SPEF2: variants seen among roughly 807,000 people sequenced by gnomAD.
The protein encoded by SPEF2 is sperm flagellar and cilia associated 2.
SPEF2 carries 187 observed loss-of-function variants against 224.6 expected under a neutral mutation model. The observed-to-expected ratio is 0.83, with a 90% confidence interval of 0.74 to 0.94. The LOEUF (loss-of-function observed/expected upper bound fraction) is 0.94, where lower values mean the gene tolerates loss of function less well. Ranked by LOEUF, SPEF2 falls within the 40% of genes least tolerant of loss-of-function variation. The probability of loss-of-function intolerance (pLI) is 0.00; values close to 1 mark genes in which losing one functional copy is unlikely to be tolerated. For missense variants in SPEF2, 2,170 were observed against 2,135.6 expected (o/e 1.02, Z -0.32); for synonymous variants, 715 against 707.3 (o/e 1.01, Z -0.17).
chr5:35,659,101 A>T lies in SPEF2; in HGVS notation c.1061A>T (p.His354Leu). Residue 354 changes from histidine (H) to leucine (L), a missense_variant, in exon 8 of 37, where the codon CAT (histidine) becomes CTT (leucine). Physicochemically the swap from His to Leu is moderately conservative, Grantham distance 99. Coordinates refer to ENST00000356031, the MANE Select transcript of SPEF2 (RefSeq NM_024867.4). Reference sequence around the variant, plus strand: ...CGCAGGATTGCCGTGCAGCTCATGCATGTTCGGCATGAAAAGGAAGTTTTA... The same window carrying T: ...CGCAGGATTGCCGTGCAGCTCATGCTTGTTCGGCATGAAAAGGAAGTTTTA... ...QERRIAVQLMHVRHEKEVLWQ... is the reference protein window; with the variant it reads ...QERRIAVQLMLVRHEKEVLWQ... 1 of 1,613,340 alleles carries T rather than the reference A, an allele frequency of 6.2e-7. No individual in the cohort carries two copies. Among genetic ancestry groups the T allele is most frequent in the East Asian group, 2.2e-5 (1 of 44,830 alleles).
At chr5:35,677,852 G>T (rs555003231) in intron 10 of SPEF2, among the ~76,000 whole-genome samples, 42 of 152,336 alleles carry the variant, frequency 2.8e-4, no homozygotes, top group African/African-American at 9.9e-4. Flanking sequence ...AATCAGACCT[G>T]CAGTCAGCCC....
intron 28 of SPEF2, among the ~76,000 whole-genome samples, chr5:35,775,845 G>A (rs539083485): frequency 6.6e-6 from 1 of 152,228 alleles, no homozygotes; most frequent in South Asian, 2.1e-4. Context: ...TCGGTAATAG[G>A]CCCAGGGGCA....
intron 9 of SPEF2, among the ~76,000 whole-genome samples, chr5:35,668,540 G>T (rs1201560418): frequency 6.6e-6 from 1 of 152,006 alleles, no homozygotes; most frequent in African/African-American, 2.4e-5. Context: ...GCTCTGAAAG[G>T]GCAACATGAT....
Position 35,667,084 on chromosome 5 carries a change from C to T in SPEF2, c.1180C>T (p.Gln394Ter). Residue 394 changes from glutamine to a stop codon, truncating the protein, a stop_gained, in exon 9 of 37, where the codon CAA (glutamine) becomes TAA (stop). Coordinates refer to ENST00000356031, the MANE Select transcript of SPEF2 (RefSeq NM_024867.4). LOFTEE classifies it high-confidence loss of function. ...ALDREAALAKQAKIDFEEQFL... is the reference protein window; with the variant it reads ...ALDREAALAK ...TTTGCCTTTTTAGGCTTTGGCAAAA[C>T]AAGCCAAGATTGACTTTGAAGAACA... is the stretch of plus-strand genomic sequence containing the variant. 6.2e-7 allele frequency: 1 copy of T among 1,600,638 alleles called. No homozygotes were observed. Among genetic ancestry groups the T allele is most frequent in the Non-Finnish European group, 8.5e-7 (1 of 1,176,364 alleles).
chr5:35,648,886 T>C (rs1015099109), intron 5 of SPEF2, among the ~76,000 whole-genome samples: 3 of 151,926 alleles, frequency 2.0e-5, no homozygotes, highest in African/African-American at 7.3e-5. Context: ...TGGTGGCGCA[T>C]GCCTGTGATC....
chr5:35,710,644 C>T, intron 19 of SPEF2: 1 of 985,172 alleles, frequency 1.0e-6, no homozygotes, highest in Middle Eastern at 5.2e-4. Context: ...GTCCTTTAAC[C>T]TATAGCTATG....
At chr5:35,797,320 G>GTGTCTC (rs1554059930) in intron 33 of SPEF2, among the ~76,000 whole-genome samples, 2 of 27,422 alleles carry the variant, frequency 7.3e-5, no homozygotes, top group Admixed American at 5.6e-4. Flanking sequence ...GCTGACGGGT[G>GTGTCTC]TGTGTGTGTG....
intron 18 of SPEF2, 100 bp from the exon 19 acceptor site, chr5:35,708,848 G>T: frequency 8.9e-7 from 1 of 1,122,656 alleles, no homozygotes; most frequent in East Asian, 2.5e-5. Flanking sequence ...CTTTAAATAC[G>T]TAAGATTGTT....
intron 2 of SPEF2, among the ~76,000 whole-genome samples, chr5:35,636,960 AGT>A (rs1702311564): frequency 6.7e-6 from 1 of 148,366 alleles, no homozygotes; most frequent in African/African-American, 2.5e-5. Context: ...TGGGTGACAG[AGT>A]GAGACTCTGT....
At chr5:35,669,202 A>G (rs1216129731) in intron 9 of SPEF2, among the ~76,000 whole-genome samples, 1 of 152,140 alleles carries the variant, frequency 6.6e-6, no homozygotes, top group Non-Finnish European at 1.5e-5. Flanking sequence ...TTCACTTAGC[A>G]TAACGTCTTC....
chr5:35,777,125 A>G (rs773558099), intron 29 of SPEF2, among the ~76,000 whole-genome samples: 1 of 152,226 alleles, frequency 6.6e-6, no homozygotes, highest in Non-Finnish European at 1.5e-5. Flanking sequence ...ACTACAGTTT[A>G]CAATAAACAT....
At chr5:35,784,720 G>A (rs1754861940) in intron 30 of SPEF2, among the ~76,000 whole-genome samples, 1 of 152,054 alleles carries the variant, frequency 6.6e-6, no homozygotes, top group African/African-American at 2.4e-5. Flanking sequence ...CAAGAGGCAG[G>A]AGGTGGGACC....
intron 30 of SPEF2, chr5:35,788,048 G>A (rs1755414363): frequency 4.3e-6 from 3 of 702,884 alleles, no homozygotes; most frequent in Admixed American, 4.0e-5. Context: ...TAAGCATGGA[G>A]TGAAGTCAGG....
At chr5:35,759,532 T>C in intron 24 of SPEF2, 36 bp from the exon 25 acceptor site, 1 of 1,510,146 alleles carries the variant, frequency 6.6e-7, no homozygotes. Context: ...CAGCTTGTTC[T>C]TTCTTGGATA....
intron 23 of SPEF2, among the ~76,000 whole-genome samples, chr5:35,752,218 G>A (rs527632441): frequency 2.3e-4 from 35 of 152,150 alleles, no homozygotes; most frequent in African/African-American, 7.2e-4. Context: ...ACCACCTCGC[G>A]GCCCAAGGGT....
intron 23 of SPEF2, among the ~76,000 whole-genome samples, chr5:35,741,614 A>G (rs1024055230): frequency 2.6e-5 from 4 of 152,192 alleles, no homozygotes; most frequent in African/African-American, 7.2e-5. Context: ...AGTCTGCAGT[A>G]GAGTAAAAAC....
Position 35,618,051 on chromosome 5 carries a change from CGTGA to C in SPEF2, c.58+5_58+8del. On this transcript the variant is annotated frameshift_variant and splice_region_variant, in exon 1 of 37. Coordinates refer to ENST00000356031, the MANE Select transcript of SPEF2 (RefSeq NM_024867.4). LOFTEE classifies it high-confidence loss of function. ...ACAAGGAGTTGAAGGTGTCCCGGACCGTGAGTGAGTGACCACGGCCAGGGGCGAG... is the reference window on the plus strand; with the variant it reads ...ACAAGGAGTTGAAGGTGTCCCGGACCGTGAGTGACCACGGCCAGGGGCGAG... The C allele has an allele frequency of 5.1e-6, 8 of 1,583,906 alleles. No individual in the cohort carries two copies. Among genetic ancestry groups the C allele is most frequent in the Non-Finnish European group, 6.9e-6 (8 of 1,162,434 alleles).
chr5:35,646,508 C>T (rs1262154676), intron 4 of SPEF2, 159 bp from the exon 5 acceptor site: 1 of 556,054 alleles, frequency 1.8e-6, no homozygotes. Flanking sequence ...ATTAACACCT[C>T]CTTCTTAATA....
chr5:35,685,937 A>G (rs977021637), intron 10 of SPEF2, among the ~76,000 whole-genome samples: 6 of 151,514 alleles, frequency 4.0e-5, no homozygotes, highest in African/African-American at 1.5e-4. Context: ...TTAAAGAAAT[A>G]TAATGAAATA....
Sources: gnomAD v4.1 joint callset for allele counts (sites outside exome capture counted in the v4.1 genomes callset) on GRCh38, gnomAD v4.1.1 for gene constraint, MANE v1.5 for transcripts, NCBI Gene and HGNC (gene_info 2026-07-23, HGNC 2026-07-21) for gene names.